Variants in NFIC observed in about 807,000 individuals in gnomAD.
The protein encoded by NFIC is nuclear factor I C.
NFIC carries 12 observed loss-of-function variants against 54.4 expected under a neutral mutation model. The observed-to-expected ratio is 0.22, with a 90% confidence interval of 0.14 to 0.36. The LOEUF (loss-of-function observed/expected upper bound fraction) is 0.36. Ranked by LOEUF, NFIC falls within the 10% of genes least tolerant of loss-of-function variation. NFIC has a pLI of 1.00. For synonymous variants in NFIC, 322 were observed against 319.2 expected, an observed-to-expected ratio of 1.01 and a Z score of -0.09; for missense variants, 575 against 718.2, an observed-to-expected ratio of 0.80 and a Z score of 2.28.
At chr19:3,360,101 G>A (rs1164190593) in intron 1 of NFIC, among the ~76,000 whole-genome samples, 3 of 146,864 alleles carry the variant, frequency 2.0e-5, no homozygotes, top group African/African-American at 7.3e-5. Flanking sequence ...GGGAGGGGGC[G>A]CACGGCGGGA....
At position 3,456,692 on chromosome 19, in the gene NFIC, C is replaced by T. The variant is rs1211520255; in HGVS notation, c.1509+57C>T. ...GAGGGGCAGGGCAGAGGGGCCGGCC[C>T]GGGGGGCTCAGGGCGAAGAGGGCCT... On this transcript the variant is annotated intron_variant, in intron 10 of 10. Coordinates refer to ENST00000443272, the MANE Select transcript of NFIC (RefSeq NM_001245002.2). 1.0e-5 allele frequency: 14 copies of T among 1,341,708 alleles called. No individual in the cohort carries two copies. In the East Asian group the frequency reaches 1.3e-4, roughly 12 times the overall value. The allele number at this position is 1,341,708 out of a possible 1,614,324, so 83.1% of individuals were successfully genotyped here. A position where few individuals can be genotyped will look rare whatever the true frequency, so the allele number is the denominator to read the frequency against.
At chr19:3,422,806 A>G (rs1210727024) in intron 2 of NFIC, among the ~76,000 whole-genome samples, 1 of 152,154 alleles carries the variant, frequency 6.6e-6, no homozygotes, top group Non-Finnish European at 1.5e-5. Context: ...ATCCCAGCAC[A>G]AAACTGTAGA....
intron 10 of NFIC, among the ~76,000 whole-genome samples, chr19:3,462,339 G>T (rs564833949): frequency 6.6e-6 from 1 of 152,086 alleles, no homozygotes; most frequent in Non-Finnish European, 1.5e-5. Context: ...CCAATATCAC[G>T]CCATTGCACT....
chr19:3,454,692 C>T (rs927337201), intron 9 of NFIC, among the ~76,000 whole-genome samples: 1 of 151,608 alleles, frequency 6.6e-6, no homozygotes, highest in African/African-American at 2.4e-5. Context: ...AACCCAGAGA[C>T]CTCTCCCCAT....
At chr19:3,412,025 A>G (rs901504480) in intron 2 of NFIC, among the ~76,000 whole-genome samples, 1 of 152,186 alleles carries the variant, frequency 6.6e-6, no homozygotes, top group African/African-American at 2.4e-5. Flanking sequence ...CAAACCGCCA[A>G]CATTTTAAAG....
chr19:3,394,518 CACCCA>C (rs1425699561), intron 2 of NFIC, among the ~76,000 whole-genome samples: 23 of 34,028 alleles, frequency 6.8e-4, no homozygotes, highest in East Asian at 4.9e-3. Context: ...ATCTTTTCCC[CACCCA>C]CCCCCCACCC....
chr19:3,446,216 G>A (rs982280479), intron 6 of NFIC, among the ~76,000 whole-genome samples: 3 of 152,238 alleles, frequency 2.0e-5, no homozygotes, highest in Admixed American at 6.5e-5. Context: ...TCCTCACTCC[G>A]TGTGGATTTC....
At chr19:3,389,168 A>G (rs557660075) in intron 2 of NFIC, among the ~76,000 whole-genome samples, 2 of 152,324 alleles carry the variant, frequency 1.3e-5, no homozygotes, top group African/African-American at 4.8e-5. Flanking sequence ...GAATGAATGA[A>G]TGAGGTGAAC....
At chr19:3,460,880 T>G (rs190413472) in intron 10 of NFIC, among the ~76,000 whole-genome samples, 3 of 151,822 alleles carry the variant, frequency 2.0e-5, no homozygotes, top group Non-Finnish European at 2.9e-5. Flanking sequence ...ATCCCAGCAC[T>G]TTGGGAGGCC....
chr19:3,393,927 A>T (rs2081416228), intron 2 of NFIC, among the ~76,000 whole-genome samples: 1 of 151,296 alleles, frequency 6.6e-6, no homozygotes, highest in African/African-American at 2.4e-5. Context: ...TAATTTTAAC[A>T]TTATTTTAAG....
chr19:3,433,216 C>T (rs776389173), intron 3 of NFIC, among the ~76,000 whole-genome samples: 3 of 152,232 alleles, frequency 2.0e-5, no homozygotes, highest in African/African-American at 4.8e-5. Context: ...CCTCCTGCCT[C>T]GGCCTCCCAC....
intron 7 of NFIC, among the ~76,000 whole-genome samples, chr19:3,449,395 C>T (rs1599713743): frequency 6.6e-6 from 1 of 152,122 alleles, no homozygotes; most frequent in East Asian, 1.9e-4. Context: ...CTTCACCTCA[C>T]TCCCCTCACC....
intron 2 of NFIC, among the ~76,000 whole-genome samples, chr19:3,388,612 C>T (rs2081333393): frequency 6.6e-6 from 1 of 151,668 alleles, no homozygotes; most frequent in Non-Finnish European, 1.5e-5. Flanking sequence ...CACTTGAGGC[C>T]AGGAGTTCGA....
intron 3 of NFIC, among the ~76,000 whole-genome samples, chr19:3,425,918 C>CTTTTTTT (rs869165549): frequency 5.5e-5 from 3 of 54,534 alleles, no homozygotes; most frequent in Non-Finnish European, 9.4e-5. Context: ...CCATGCCTGG[C>CTTTTTTT]TTTTTTTTTT....
rs150930822 is a variant in NFIC at position 3,434,281 on chromosome 19, C to T, written c.714C>T (p.Pro238=). 1.6e-5 allele frequency: 25 copies of T among 1,609,950 alleles called. No individual in the cohort carries two copies. The highest frequency in any genetic ancestry group is 6.7e-5 in the Admixed American group (4 of 59,774). ...VTELIQVSRT[P]VVTGTGPNFS... ...CTCCTCTGTCACCCTCTGCAGCACCCGTGGTGACTGGAACAGGACCCAACT... is the reference window on the plus strand; with the variant it reads ...CTCCTCTGTCACCCTCTGCAGCACCTGTGGTGACTGGAACAGGACCCAACT... Residue 238 remains proline (P), a synonymous_variant, in exon 5 of 11, where the codon CCC becomes CCT. Transcript: ENST00000443272.
At chr19:3,384,545 C>T (rs1003768043) in intron 2 of NFIC, among the ~76,000 whole-genome samples, 5 of 152,248 alleles carry the variant, frequency 3.3e-5, no homozygotes, top group African/African-American at 9.6e-5. Context: ...ACTGCCACCA[C>T]GCCTGGCTAA....
rs2081336954 is a variant in NFIC at position 3,388,812 on chromosome 19, G to A, written c.562+6569G>A. On this transcript the variant is annotated intron_variant, in intron 2 of 10. Transcript: ENST00000443272. ...CACTGCACTCCAGCCTGGGTGACAA[G>A]GCAAGACCTTATCTCTAAAAACCGT... is the stretch of plus-strand genomic sequence containing the variant. Among the ~76,000 whole-genome samples the A allele has an allele frequency of 2.7e-5, 4 of 148,164 alleles. No homozygotes were observed. In the South Asian group the frequency reaches 8.7e-4, roughly 32 times the overall value.
At chr19:3,406,937 CGTGCCTGGTGCAT>C (rs1568427239) in intron 2 of NFIC, among the ~76,000 whole-genome samples, 1 of 147,452 alleles carries the variant, frequency 6.8e-6, no homozygotes, top group African/African-American at 2.5e-5. Flanking sequence ...GAGGCAGGAC[CGTGCCTGGTGCAT>C]TGGTGGAACA....
chr19:3,382,890 A>G (rs1490489437), intron 2 of NFIC, among the ~76,000 whole-genome samples: 2 of 151,802 alleles, frequency 1.3e-5, no homozygotes. Flanking sequence ...GGTCAGATGG[A>G]GGAGGCAGGC....
Sources: allele counts gnomAD v4.1 joint callset (sites outside exome capture counted in the v4.1 genomes callset), GRCh38; gene constraint gnomAD v4.1.1; transcripts MANE v1.5; gene names NCBI Gene and HGNC (gene_info 2026-07-23, HGNC 2026-07-21).